The following GYG2 variants were observed in gnomAD, a reference collection of about 807,000 sequenced individuals.
The protein encoded by GYG2 is glycogenin 2.
In GYG2, 29 loss-of-function variants were observed where a neutral mutation model predicts 29.4. The ratio of observed to expected loss-of-function variants is 0.99; its 90% confidence interval spans 0.74 to 1.35. The LOEUF (loss-of-function observed/expected upper bound fraction) is 1.35. GYG2 is among the 40% of genes most tolerant of loss of function. GYG2 has a pLI of 0.00. For synonymous variants in GYG2, 167 were observed against 172.3 expected (o/e 0.97, Z 0.24); for missense variants, 370 against 385.7 (o/e 0.96, Z 0.34).
intron 8 of GYG2, among the ~76,000 whole-genome samples, chrX:2,872,216 T>C (rs1323490668): frequency 1.8e-5 from 2 of 112,313 alleles, no homozygotes; most frequent in African/African-American, 6.5e-5. Flanking sequence ...AGTAGAATAG[T>C]TATTACCTAA....
At chrX:2,847,703 AAAATAAATAAATAAATAAAT>A (rs34250808) in intron 3 of GYG2, among the ~76,000 whole-genome samples, 2,825 of 80,930 alleles carry the variant, frequency 0.035, 121 homozygotes, top group African/African-American at 0.11. Context: ...GGACTCTGTC[AAAATAAATAAATAAATAAAT>A]AAATAAATAA....
At chrX:2,875,091 C>T (rs1292389236) in intron 8 of GYG2, among the ~76,000 whole-genome samples, 2 of 112,087 alleles carry the variant, frequency 1.8e-5, no homozygotes, top group Admixed American at 1.9e-4. Flanking sequence ...TAACAAACAG[C>T]CCCCAAATAA....
At chrX:2,865,104 C>G (rs1207458395) in intron 8 of GYG2, among the ~76,000 whole-genome samples, 1 of 111,452 alleles carries the variant, frequency 9.0e-6, no homozygotes, top group Non-Finnish European at 1.9e-5. Context: ...AGTGAGCACT[C>G]CCTCATTCGT....
intron 8 of GYG2, among the ~76,000 whole-genome samples, chrX:2,865,701 T>G (rs1293603317): frequency 9.0e-6 from 1 of 111,295 alleles, no homozygotes; most frequent in East Asian, 2.8e-4. Flanking sequence ...TCACCCCAGT[T>G]AGGTGGTGTC....
chrX:2,847,279 C>T (rs750021902), intron 3 of GYG2, among the ~76,000 whole-genome samples: 2 of 111,203 alleles, frequency 1.8e-5, no homozygotes, highest in Non-Finnish European at 3.8e-5. Context: ...AGTGCTTACA[C>T]TAAGAAAGCA....
chrX:2,837,838 T>TAC (rs10578668), intron 2 of GYG2, among the ~76,000 whole-genome samples: 4,788 of 100,274 alleles, frequency 0.048, 192 homozygotes, highest in African/African-American at 0.12. Context: ...TGCAATTAAA[T>TAC]ACACACACAC....
intron 6 of GYG2, among the ~76,000 whole-genome samples, chrX:2,856,963 T>TATC (rs2088019683): frequency 2.4e-4 from 15 of 63,616 alleles, no homozygotes; most frequent in African/African-American, 1.3e-3. Flanking sequence ...AGACATCTGT[T>TATC]TATCTATCTA....
intron 8 of GYG2, among the ~76,000 whole-genome samples, chrX:2,865,935 C>T (rs5982903): frequency 2.7e-5 from 3 of 111,392 alleles, no homozygotes; most frequent in African/African-American, 6.5e-5. Flanking sequence ...ATCTGCCCCC[C>T]GTCCATGTTT....
At chrX:2,879,217 A>ATAT (rs56234315) in intron 10 of GYG2, among the ~76,000 whole-genome samples, 32,751 of 107,421 alleles carry the variant, frequency 0.3, 3,971 homozygotes, top group East Asian at 0.49. Context: ...ATCTTTCTAT[A>ATAT]TATCTATCTC....
chrX:2,831,354 C>T (rs2087259784), intron 2 of GYG2, among the ~76,000 whole-genome samples: 1 of 112,278 alleles, frequency 8.9e-6, no homozygotes, highest in Non-Finnish European at 1.9e-5. Context: ...GCACGAGCCA[C>T]CACGCCTGGC....
At chrX:2,857,967 G>T (rs1026964167) in intron 6 of GYG2, among the ~76,000 whole-genome samples, 2 of 111,654 alleles carry the variant, frequency 1.8e-5, no homozygotes, top group African/African-American at 6.5e-5. Context: ...ATGGAGCTAG[G>T]AAGAACCAGC....
intron 8 of GYG2, among the ~76,000 whole-genome samples, chrX:2,874,268 ATTTC>A (rs1177823476): frequency 1.8e-5 from 2 of 111,667 alleles, no homozygotes; most frequent in Non-Finnish European, 3.8e-5. Context: ...CCTTTTTTCT[ATTTC>A]TTTCTGTGCT....
rs757447241 is a variant in GYG2, at chrX:2,855,173, G to A, written c.487+18G>A. 2.7e-5 allele frequency: 32 copies of A among 1,185,972 alleles called. No homozygotes were observed. In the African/African-American group the frequency reaches 3.3e-4, roughly 12 times the overall value. On this transcript the variant is annotated intron_variant, in intron 5 of 10. Coordinates refer to ENST00000398806, the MANE Select transcript of GYG2 (RefSeq NM_001079855.2). ...CTTTGACGGTAAGTCAGGGCAGCCC[G>A]GACGCTTAGGGTCTCTGTTGCACAC...
At chrX:2,862,137 G>C (rs73632948) in intron 8 of GYG2, among the ~76,000 whole-genome samples, 1,592 of 110,467 alleles carry the variant, frequency 0.014, 35 homozygotes, top group African/African-American at 0.048. Context: ...GAGAGAGAGG[G>C]GATTGGAAGA....
chrX:2,836,084 T>C (rs765792161), intron 2 of GYG2, among the ~76,000 whole-genome samples: 10 of 110,653 alleles, frequency 9.0e-5, no homozygotes, highest in Non-Finnish European at 1.9e-4. Flanking sequence ...GCACACATCA[T>C]AGGATGTGCT....
At chrX:2,859,708 T>A (rs765209389) in intron 6 of GYG2, 135 bp from the exon 7 acceptor site, 8 of 445,618 alleles carry the variant, frequency 1.8e-5, no homozygotes, top group Non-Finnish European at 3.2e-5. Context: ...TCAGTAATAA[T>A]AATCAATAAT....
At chrX:2,841,015 A>G (rs2087482770) in intron 2 of GYG2, among the ~76,000 whole-genome samples, 1 of 109,233 alleles carries the variant, frequency 9.2e-6, no homozygotes, top group Non-Finnish European at 1.9e-5. Context: ...ATAGATAGAT[A>G]GATAGAAGGA....
Position 2,854,039 on chromosome X carries a change from A to G in GYG2, c.209A>G (p.Asp70Gly). Residue 70 changes from aspartate to glycine, a missense_variant, in exon 4 of 11, where the codon GAC becomes GGC. Transcript: ENST00000398806. The part of the protein sequence containing the change: ...VIEVNLIDSA[D>G]YIHLAFLKRP... ...GAAGTGAATCTAATCGATAGTGCCG[A>G]CTACATCCACCTGGCCTTTCTGAAG... 1 of 1,196,272 alleles carries G rather than the reference A, an allele frequency of 8.4e-7. No homozygotes were observed. Among genetic ancestry groups the G allele is most frequent in the Non-Finnish European group, 1.1e-6 (1 of 881,504 alleles).
intron 8 of GYG2, among the ~76,000 whole-genome samples, chrX:2,870,422 C>T (rs756398811): frequency 4.5e-5 from 5 of 110,569 alleles, no homozygotes; most frequent in Non-Finnish European, 9.4e-5. Context: ...AGGCTGGTCT[C>T]GAACTCCTGA....
Sources: allele counts gnomAD v4.1 joint callset (sites outside exome capture counted in the v4.1 genomes callset), GRCh38; gene constraint gnomAD v4.1.1; transcripts MANE v1.5; gene names NCBI Gene and HGNC (gene_info 2026-07-23, HGNC 2026-07-21).